Variants in PLCL1 observed in about 807,000 individuals in gnomAD.
PLCL1 encodes the protein inactive phospholipase C-like protein 1.
A neutral mutation model predicts 84.4 loss-of-function variants in PLCL1; 41 were observed. The ratio of observed to expected loss-of-function variants is 0.49; its 90% confidence interval spans 0.38 to 0.63. The LOEUF (loss-of-function observed/expected upper bound fraction) is 0.63, where lower values mean the gene tolerates loss of function less well. Ranked by LOEUF, PLCL1 falls within the 30% of genes least tolerant of loss-of-function variation. The pLI is 0.00. For synonymous variants in PLCL1, 490 were observed against 488.3 expected (o/e 1.00, Z -0.05); for missense variants, 1,206 against 1,367.8 (o/e 0.88, Z 1.87).
intron 1 of PLCL1, among the ~76,000 whole-genome samples, chr2:197,848,021 T>C (rs1687154399): frequency 6.6e-6 from 1 of 152,222 alleles, no homozygotes; most frequent in Non-Finnish European, 1.5e-5. Context: ...TAATCAGATT[T>C]CTAAAGTGTT....
intron 1 of PLCL1, among the ~76,000 whole-genome samples, chr2:197,986,997 G>A (rs1294963914): frequency 6.6e-6 from 1 of 152,196 alleles, no homozygotes. Flanking sequence ...GGGTGAAGGA[G>A]GGACTTGATT....
chr2:198,002,533 TTA>T (rs1431862611), intron 1 of PLCL1, among the ~76,000 whole-genome samples: 1 of 152,230 alleles, frequency 6.6e-6, no homozygotes, highest in African/African-American at 2.4e-5. Context: ...AAAACTGGGT[TTA>T]TGTTTTTCTC....
chr2:197,864,353 T>C (rs1017488623), intron 1 of PLCL1, among the ~76,000 whole-genome samples: 1 of 151,956 alleles, frequency 6.6e-6, no homozygotes, highest in Non-Finnish European at 1.5e-5. Context: ...CTCTTTCTTT[T>C]TTTTTTTTTT....
At chr2:197,983,190 C>CTTTTTTTTTTT (rs1445206643) in intron 1 of PLCL1, among the ~76,000 whole-genome samples, 4 of 66,080 alleles carry the variant, frequency 6.1e-5, no homozygotes, top group African/African-American at 2.1e-4. Flanking sequence ...TTTTCTTTTT[C>CTTTTTTTTTTT]TTTTCTTTTC....
At chr2:197,836,280 C>G (rs1691185129) in intron 1 of PLCL1, among the ~76,000 whole-genome samples, 1 of 151,484 alleles carries the variant, frequency 6.6e-6, no homozygotes, top group Non-Finnish European at 1.5e-5. Flanking sequence ...CCCGTCTCTA[C>G]TAAAAAAATA....
chr2:197,823,194 G>A (rs1053164721), intron 1 of PLCL1, among the ~76,000 whole-genome samples: 7 of 152,116 alleles, frequency 4.6e-5, no homozygotes, highest in Non-Finnish European at 1.0e-4. Context: ...CCAGCTTAAA[G>A]ATAATTTTCT....
chr2:198,028,534 C>T (rs899588984), intron 1 of PLCL1, among the ~76,000 whole-genome samples: 5 of 152,142 alleles, frequency 3.3e-5, no homozygotes, highest in Non-Finnish European at 7.4e-5. Context: ...ACTCTTCAGA[C>T]AGTTTATCTT....
intron 1 of PLCL1, among the ~76,000 whole-genome samples, chr2:197,873,856 C>G (rs1245075205): frequency 6.6e-6 from 1 of 152,164 alleles, no homozygotes; most frequent in Non-Finnish European, 1.5e-5. Flanking sequence ...TCGGACAAGG[C>G]TCAGCATTGC....
intron 1 of PLCL1, among the ~76,000 whole-genome samples, chr2:198,075,579 A>G (rs1692560224): frequency 1.3e-5 from 2 of 152,348 alleles, no homozygotes; most frequent in South Asian, 4.1e-4. Flanking sequence ...CAAGATTAAA[A>G]TAAGAGACAA....
At chr2:198,009,533 C>T (rs75518107) in intron 1 of PLCL1, among the ~76,000 whole-genome samples, 3,790 of 151,946 alleles carry the variant, frequency 0.025, 170 homozygotes, top group African/African-American at 0.086. Context: ...TATTTTACTC[C>T]GTTGGTTTAT....
intron 1 of PLCL1, among the ~76,000 whole-genome samples, chr2:197,909,104 A>T (rs1688437447): frequency 6.6e-6 from 1 of 152,202 alleles, no homozygotes; most frequent in Admixed American, 6.5e-5. Flanking sequence ...GAAGGTATGC[A>T]CACATTTGGA....
intron 1 of PLCL1, among the ~76,000 whole-genome samples, chr2:197,916,277 T>C (rs1296636967): frequency 1.3e-5 from 2 of 152,208 alleles, no homozygotes; most frequent in South Asian, 2.1e-4. Context: ...ATATAAGTTG[T>C]TTTTAGCTTT....
chr2:197,902,762 T>G (rs887069068), intron 1 of PLCL1, among the ~76,000 whole-genome samples: 1 of 152,172 alleles, frequency 6.6e-6, no homozygotes, highest in African/African-American at 2.4e-5. Context: ...TGGGGAGTTC[T>G]GGGAATGAAC....
At chr2:197,910,673 C>A (rs991014536) in intron 1 of PLCL1, among the ~76,000 whole-genome samples, 1 of 152,168 alleles carries the variant, frequency 6.6e-6, no homozygotes, top group Admixed American at 6.5e-5. Context: ...TTATTCCCGG[C>A]AACCCGAAAA....
chr2:198,061,598 C>CAT (rs1553515232), intron 1 of PLCL1, among the ~76,000 whole-genome samples: 3 of 150,802 alleles, frequency 2.0e-5, no homozygotes, highest in Admixed American at 1.3e-4. Context: ...AATGTATCGT[C>CAT]ATTATTATTA....
At chr2:198,106,687 C>T (rs1693481785) in intron 5 of PLCL1, among the ~76,000 whole-genome samples, 1 of 151,890 alleles carries the variant, frequency 6.6e-6, no homozygotes, top group Non-Finnish European at 1.5e-5. Context: ...AGACATGTAA[C>T]TAATAATGGC....
intron 5 of PLCL1, among the ~76,000 whole-genome samples, chr2:198,131,129 T>G (rs1694109829): frequency 6.6e-6 from 1 of 152,168 alleles, no homozygotes; most frequent in South Asian, 2.1e-4. Flanking sequence ...GCTTTCATGC[T>G]GAGTAGTCAC....
chr2:197,990,961 A>C (rs1690334407), intron 1 of PLCL1, among the ~76,000 whole-genome samples: 2 of 152,164 alleles, frequency 1.3e-5, no homozygotes, highest in African/African-American at 4.8e-5. Flanking sequence ...AGGTTTGAAC[A>C]AGTATTAATC....
intron 1 of PLCL1, among the ~76,000 whole-genome samples, chr2:197,925,861 C>G (rs1275625231): frequency 2.0e-5 from 3 of 151,822 alleles, no homozygotes; most frequent in African/African-American, 7.3e-5. Flanking sequence ...TTTTTCTACT[C>G]AGTTTTAAAT....
Sources: allele counts gnomAD v4.1 joint callset (sites outside exome capture counted in the v4.1 genomes callset), GRCh38; gene constraint gnomAD v4.1.1; transcripts MANE v1.5; gene names NCBI Gene and HGNC (gene_info 2026-07-23, HGNC 2026-07-21).